The following TMEM184A variants were observed in gnomAD, a reference collection of about 807,000 sequenced individuals.
The protein encoded by TMEM184A is transmembrane protein 184A, also known as sexually dimorphic, expressed in male gonads 1.
Under a neutral mutation model 39.5 loss-of-function variants are expected in TMEM184A, and 40 were observed. That is an observed-to-expected ratio of 1.01 (90% CI 0.79 to 1.32). The LOEUF is 1.32. TMEM184A is among the 40% of genes most tolerant of loss of function. The pLI is 0.00. For missense variants in TMEM184A, 603 were observed against 568.8 expected (o/e 1.06, Z -0.61); for synonymous variants, 280 against 252.3 (o/e 1.11, Z -1.04).
In TMEM184A at chr7:1,547,003, C is replaced by T. The variant is rs780642062; in HGVS notation, c.1191G>A (p.Arg397=). 6.4e-7 allele frequency: 1 copy of T among 1,573,726 alleles called. No individual in the cohort carries two copies. Residue 397 remains arginine (R), a synonymous_variant, in exon 9 of 9, where the codon AGG becomes AGA. Transcript: ENST00000297477. ...TCCGCTTCTCCAGGCTCCGGCTCTT[C>T]CTGCTCCCGCCGGAGCCGCCGCTGG... is the stretch of plus-strand genomic sequence containing the variant. The part of the protein sequence containing the change: ...THPSGGSGGS[R]KSRSLEKRML...
chr7:1,550,158 T>C lies in TMEM184A; in HGVS notation c.517A>G (p.Thr173Ala). 1.2e-6 allele frequency: 2 copies of C among 1,607,766 alleles called. No homozygotes were observed. The highest frequency in any genetic ancestry group is 2.2e-5 in the South Asian group (2 of 90,416). Residue 173 changes from threonine to alanine, a missense_variant, in exon 5 of 9, where the codon ACC (threonine) becomes GCC (alanine). Coordinates refer to ENST00000297477, the MANE Select transcript of TMEM184A (RefSeq NM_001097620.2). ...AAGCGCAGGAACCCGATGGAGTAGGTCATGCCCCGGAGGCAGCAGGTGCCG... is the reference window on the plus strand; with the variant it reads ...AAGCGCAGGAACCCGATGGAGTAGGCCATGCCCCGGAGGCAGCAGGTGCCG... ...LYGTCCLRGM[T>A]YSIGFLRFCK...
intron 8 of TMEM184A, 107 bp downstream of exon 8, chr7:1,547,635 G>A: frequency 1.6e-6 from 2 of 1,241,910 alleles, no homozygotes; most frequent in Non-Finnish European, 2.3e-6. Context: ...CCGTCTCCCT[G>A]CCCAGCGAGC....
Position 1,555,156 on chromosome 7 carries a change from C to T in TMEM184A, c.219+110G>A. 1 of 925,810 alleles carries T rather than the reference C, an allele frequency of 1.1e-6. No individual in the cohort carries two copies. Among genetic ancestry groups the T allele is most frequent in the Non-Finnish European group, 1.6e-6 (1 of 637,782 alleles). The allele number at this position is 925,810 out of a possible 1,614,324, so 57.3% of individuals were successfully genotyped here. A position where few individuals can be genotyped will look rare whatever the true frequency, so the allele number is the denominator to read the frequency against. ...CCCTCCCCCGTGCCCTGGCCGATCC[C>T]ACTTCTGACAGCGTCTATAGCAGCG... On this transcript the variant is annotated intron_variant, in intron 2 of 8. Transcript: ENST00000297477. This position sits in a 1 kb window ranked among gnomAD's most constrained non-coding sequence, Gnocchi z 5.2.
rs1778540165 is a variant in TMEM184A at position 1,555,769 on chromosome 7, G to A, written c.1-285C>T. The stretch of plus-strand genomic sequence containing the variant: ...ACTCCGAGTCTCAGGCTTGCAGGGA[G>A]CCTGCTTCTTAGGGGACAAAGACCG... On this transcript the variant is annotated intron_variant, in intron 1 of 8. Coordinates refer to ENST00000297477, the MANE Select transcript of TMEM184A (RefSeq NM_001097620.2). This position sits in a 1 kb window ranked among gnomAD's most constrained non-coding sequence, Gnocchi z 5.2. Among the ~76,000 whole-genome samples the A allele has an allele frequency of 6.6e-6, 1 of 152,224 alleles. No homozygotes were observed. The highest frequency in any genetic ancestry group is 2.4e-5 in the African/African-American group (1 of 41,454).
chr7:1,547,517 T>C (rs1033727317), intron 8 of TMEM184A, among the ~76,000 whole-genome samples: 7 of 152,062 alleles, frequency 4.6e-5, no homozygotes, highest in African/African-American at 1.4e-4. Context: ...TCCGCCCTAA[T>C]AGGGGGTGTG....
rs376454849 is a variant in TMEM184A, at chr7:1,555,449, G to A, written c.36C>T (p.Gly12=). 28 of 1,609,524 alleles carry A rather than the reference G, an allele frequency of 1.7e-5. No individual in the cohort carries two copies. The highest frequency in any genetic ancestry group is 1.1e-4 in the East Asian group (5 of 44,860). The change falls in exon 2 of 9, where the codon GGC becomes GGT. Residue 12 remains glycine, a synonymous_variant. Coordinates refer to ENST00000297477, the MANE Select transcript of TMEM184A (RefSeq NM_001097620.2). This position sits in a 1 kb window ranked among gnomAD's most constrained non-coding sequence, Gnocchi z 5.2. ...SNVSGILETA[G]VPLVSANWPQ... ...GCCAGTTCGCTGACACCAGGGGGAC[G>A]CCGGCTGTCTCCAGGATCCCTGAGA... is the stretch of plus-strand genomic sequence containing the variant.
In TMEM184A at chr7:1,549,989, G is replaced by C. The variant is rs773324657; in HGVS notation, c.553-44C>G. 12 of 1,607,678 alleles carry C rather than the reference G, an allele frequency of 7.5e-6. No homozygotes were observed. The South Asian group carries it at 1.3e-4, about 18-fold the overall frequency. On this transcript the variant is annotated intron_variant, in intron 5 of 8. Transcript: ENST00000297477. ...GGTGGGCCTGGGGCCAGGTCCCCCAGGGGCCCAGGAATGGGGATTGGGGCA... is the reference window on the plus strand; with the variant it reads ...GGTGGGCCTGGGGCCAGGTCCCCCACGGGCCCAGGAATGGGGATTGGGGCA...
At chr7:1,548,901 G>T in intron 6 of TMEM184A, 1 of 703,262 alleles carries the variant, frequency 1.4e-6, no homozygotes, top group South Asian at 1.5e-5. Context: ...GCAGGGGTAG[G>T]GCAGGGACGT....
At chr7:1,548,238 T>C (rs1203634612) in intron 7 of TMEM184A, among the ~76,000 whole-genome samples, 1 of 149,868 alleles carries the variant, frequency 6.7e-6, no homozygotes, top group African/African-American at 2.5e-5. Flanking sequence ...TGCCCTGGCC[T>C]GGCCCAGGGC....
Position 1,548,519 on chromosome 7 carries a change from C to A in TMEM184A, c.814G>T (p.Gly272Trp). Residue 272 changes from glycine (G) to tryptophan (W), a missense_variant and splice_region_variant, in exon 7 of 9, where the codon GGG becomes TGG. Transcript: ENST00000297477. ...KAVIFLSFWQ[G>W]LLLAILERCG... ...CCCCTGCCCCACCTGCCCCACACAC[C>A]TTGCCAGAACGACAGGAAGATGACG... 2.5e-6 allele frequency: 4 copies of A among 1,611,500 alleles called. No homozygotes were observed. Among genetic ancestry groups the A allele is most frequent in the Non-Finnish European group, 2.5e-6 (3 of 1,178,880 alleles).
intron 8 of TMEM184A, among the ~76,000 whole-genome samples, 195 bp from the exon 9 acceptor site, chr7:1,547,376 C>G (rs1036698002): frequency 9.9e-5 from 15 of 152,152 alleles, no homozygotes; most frequent in Non-Finnish European, 2.1e-4. Flanking sequence ...TGGCCAGACC[C>G]CTGACAAGGA....
At chr7:1,552,319 T>C (rs1271227416) in intron 2 of TMEM184A, among the ~76,000 whole-genome samples, 1 of 152,088 alleles carries the variant, frequency 6.6e-6, no homozygotes, top group Non-Finnish European at 1.5e-5. Flanking sequence ...ATTGTATGCA[T>C]TTACAGTGTG....
rs368580121 is a variant in TMEM184A, at chr7:1,548,643, G to A, written c.690C>T (p.Ser230=). The change falls in exon 7 of 9, where the codon TCC becomes TCT. Residue 230 remains serine (S), a synonymous_variant. Coordinates refer to ENST00000297477, the MANE Select transcript of TMEM184A (RefSeq NM_001097620.2). ...ACAGGGCGTAGAGGGCGAGGCTGACGGAGGCGTTGTAGATGAGGGTCACAT... is the reference window on the plus strand; with the variant it reads ...ACAGGGCGTAGAGGGCGAGGCTGACAGAGGCGTTGTAGATGAGGGTCACAT... The part of the protein sequence containing the change: ...YLYVTLIYNA[S]VSLALYALFL... The A allele has an allele frequency of 2.7e-5, 44 of 1,613,796 alleles. No individual in the cohort carries two copies. The African/African-American group carries it at 4.5e-4, about 17-fold the overall frequency.
rs1164538189 is a variant in TMEM184A at position 1,542,408 on chromosome 7, A to G, written c.*4544T>C. ...GCCGTCCCCCTTCATCTCCCCACGG[A>G]CTGTACCAGGCAGCTGGGCCCCGCA... On this transcript the variant is annotated 3_prime_UTR_variant, in exon 9 of 9. Transcript: ENST00000297477. 6.6e-6 allele frequency: 1 copy of G among 152,356 alleles called. No individual in the cohort carries two copies. The highest frequency in any genetic ancestry group is 1.5e-5 in the Non-Finnish European group (1 of 68,080). The allele number at this position is 152,356 out of a possible 1,614,324, so 9.4% of individuals were successfully genotyped here.
rs374780978 is a variant in TMEM184A, at chr7:1,550,767, C to T, written c.385+50G>A. 2.1e-5 allele frequency: 34 copies of T among 1,600,780 alleles called. No homozygotes were observed. In the Middle Eastern group the frequency reaches 5.1e-4, roughly 24 times the overall value. ...GAAGAGTGTGCGTGCACGCAGGCCC[C>T]GGGGAGTCTCTCCCTCCGCTCCCCC... On this transcript the variant is annotated intron_variant, in intron 3 of 8. Coordinates refer to ENST00000297477, the MANE Select transcript of TMEM184A (RefSeq NM_001097620.2).
Position 1,555,671 on chromosome 7 carries a change from A to G in TMEM184A, c.1-187T>C. On this transcript the variant is annotated intron_variant, in intron 1 of 8. Transcript: ENST00000297477. This position sits in a 1 kb window ranked among gnomAD's most constrained non-coding sequence, Gnocchi z 5.2. ...CTCCCTCCCTGCTCCGAGCTCAGCC[A>G]TCGAAGCTCACCCATCAACCACCTG... 3.1e-6 allele frequency: 2 copies of G among 636,548 alleles called. No homozygotes were observed. The highest frequency in any genetic ancestry group is 2.8e-5 in the East Asian group (1 of 35,734). 39.4% of individuals were successfully genotyped at this position (636,548 alleles called of 1,614,324 possible). A position where few individuals can be genotyped will look rare whatever the true frequency, so the allele number is the denominator to read the frequency against.
rs1784262294 is a variant in TMEM184A, at chr7:1,543,882, C to T, written c.*3070G>A. On this transcript the variant is annotated 3_prime_UTR_variant, in exon 9 of 9. Coordinates refer to ENST00000297477, the MANE Select transcript of TMEM184A (RefSeq NM_001097620.2). Reference sequence around the variant, plus strand: ...TCCTGGGCTCAAGCAATCCACTCGCCTTGGCCTCCCCAAGTGCTGGAATTA... The same window carrying T: ...TCCTGGGCTCAAGCAATCCACTCGCTTTGGCCTCCCCAAGTGCTGGAATTA... The T allele has an allele frequency of 6.6e-6, 1 of 152,278 alleles. No individual in the cohort carries two copies. 9.4% of individuals were successfully genotyped at this position (152,278 alleles called of 1,614,324 possible).
intron 2 of TMEM184A, among the ~76,000 whole-genome samples, chr7:1,553,136 A>AT (rs11412024): frequency 0.59 from 89,526 of 151,526 alleles, 26,590 homozygotes; most frequent in East Asian, 0.68. Context: ...CCACGTTTTT[A>AT]TTTTTTTTAA....
intron 6 of TMEM184A, 126 bp downstream of exon 6, chr7:1,549,727 GC>G: frequency 1.2e-6 from 1 of 828,682 alleles, no homozygotes; most frequent in Non-Finnish European, 2.0e-6. Context: ...CATGCCAGGT[GC>G]CCCCGCAGCT....
Sources: gnomAD v4.1 joint callset for allele counts (sites outside exome capture counted in the v4.1 genomes callset) on GRCh38, gnomAD v4.1.1 for gene constraint, Gnocchi (gnomAD v3.1) non-coding constraint, MANE v1.5 for transcripts, NCBI Gene and HGNC (gene_info 2026-07-23, HGNC 2026-07-21) for gene names.